PLPP7: variants seen among roughly 807,000 people sequenced by gnomAD.
PLPP7 encodes the protein inactive phospholipid phosphatase 7.
In PLPP7, 11 loss-of-function variants were observed where a neutral mutation model predicts 16.9. That is an observed-to-expected ratio of 0.65 (90% CI 0.41 to 1.08). The LOEUF is 1.08. PLPP7 is among the 50% of genes least tolerant of loss of function. The probability of loss-of-function intolerance (pLI) is 0.00; values close to 1 mark genes in which losing one functional copy is unlikely to be tolerated. For missense variants in PLPP7, 358 were observed against 397.1 expected, an observed-to-expected ratio of 0.90 and a Z score of 0.84; for synonymous variants, 174 against 175.1, an observed-to-expected ratio of 0.99 and a Z score of 0.05.
chr9:131,292,080 G>A (rs886953530), intron 1 of PLPP7, among the ~76,000 whole-genome samples: 8 of 152,206 alleles, frequency 5.3e-5, no homozygotes, highest in Admixed American at 5.2e-4. Context: ...ACAGGCCTCT[G>A]CTCTTCCAGG....
intron 1 of PLPP7, among the ~76,000 whole-genome samples, chr9:131,304,305 G>A (rs979554469): frequency 1.3e-5 from 2 of 152,216 alleles, no homozygotes; most frequent in Admixed American, 6.5e-5. Flanking sequence ...GCAGAGACAC[G>A]ATGGAGATCC....
In PLPP7 at chr9:131,295,462, C is replaced by T. The variant is rs561005369; in HGVS notation, c.451+5014C>T. Among the ~76,000 whole-genome samples, 1 of 152,136 alleles carries T rather than the reference C, an allele frequency of 6.6e-6. No individual in the cohort carries two copies. The highest frequency in any genetic ancestry group is 2.4e-5 in the African/African-American group (1 of 41,444). Reference sequence around the variant, plus strand: ...CCACCACGCCTGGCTATGAAAACTACATTTTTATGTCATTTTTTATTGTGA... The same window carrying T: ...CCACCACGCCTGGCTATGAAAACTATATTTTTATGTCATTTTTTATTGTGA... On this transcript the variant is annotated intron_variant, in intron 1 of 1. Coordinates refer to ENST00000372264, the MANE Select transcript of PLPP7 (RefSeq NM_032728.4). This position sits in a 1 kb window ranked among gnomAD's most constrained non-coding sequence, Gnocchi z 4.0.
intron 1 of PLPP7, among the ~76,000 whole-genome samples, chr9:131,303,059 C>T (rs1039495122): frequency 3.3e-5 from 5 of 152,188 alleles, no homozygotes; most frequent in Non-Finnish European, 5.9e-5. Flanking sequence ...AGGCCGGGCA[C>T]GGTGGCTCAC....
chr9:131,290,379 G>A lies in PLPP7; in HGVS notation c.382G>A (p.Gly128Ser). ...GGGCCACGGCATCCCCTGGATCGGAGGCACCATCCTCTGCCTGGTGAAGAG... is the reference window on the plus strand; with the variant it reads ...GGGCCACGGCATCCCCTGGATCGGAAGCACCATCCTCTGCCTGGTGAAGAG... ...ITGHGIPWIG[G>S]TILCLVKSST... Residue 128 changes from glycine to serine, a missense_variant, in exon 1 of 2, where the codon GGC (glycine) becomes AGC (serine). Gly to Ser is a moderately conservative substitution (Grantham distance 56). Coordinates refer to ENST00000372264, the MANE Select transcript of PLPP7 (RefSeq NM_032728.4). The surrounding 1 kb of genome is among the most constrained non-coding windows in gnomAD (Gnocchi z 4.2). 1.2e-6 allele frequency: 2 copies of A among 1,603,276 alleles called. No individual in the cohort carries two copies. The highest frequency in any genetic ancestry group is 1.1e-5 in the South Asian group (1 of 89,664).
At chr9:131,303,830 G>A (rs938169754) in intron 1 of PLPP7, among the ~76,000 whole-genome samples, 1 of 152,168 alleles carries the variant, frequency 6.6e-6, no homozygotes, top group Non-Finnish European at 1.5e-5. Flanking sequence ...TCACAGGTGA[G>A]GAAAGTTAGG....
Position 131,290,006 on chromosome 9 carries a change from T to C in PLPP7, c.9T>C (p.Ala3=). Residue 3 remains alanine, a synonymous_variant, in exon 1 of 2, where the codon GCT becomes GCC. Coordinates refer to ENST00000372264, the MANE Select transcript of PLPP7 (RefSeq NM_032728.4). The surrounding 1 kb of genome is among the most constrained non-coding windows in gnomAD (Gnocchi z 4.2). ...GGGTGAGCGAGGTCACCATGCCAGC[T>C]TCCCAGAGCCGGGCCCGTGCCCGGG... MP[A]SQSRARARDR... is the part of the protein sequence containing the mutation. 1 of 1,432,970 alleles carries C rather than the reference T, an allele frequency of 7.0e-7. No homozygotes were observed. The allele number at this position is 1,432,970 out of a possible 1,614,324, so 88.8% of individuals were successfully genotyped here. A position where few individuals can be genotyped will look rare whatever the true frequency, so the allele number is the denominator to read the frequency against.
chr9:131,292,337 C>T (rs1457637325), intron 1 of PLPP7, among the ~76,000 whole-genome samples: 1 of 152,210 alleles, frequency 6.6e-6, no homozygotes, highest in Non-Finnish European at 1.5e-5. Flanking sequence ...CACCTTCTTT[C>T]CCCATGTGAC....
chr9:131,302,842 G>A (rs1041170163), intron 1 of PLPP7, among the ~76,000 whole-genome samples: 40 of 152,166 alleles, frequency 2.6e-4, no homozygotes, highest in Admixed American at 2.5e-3. Context: ...GCAGGAAAAG[G>A]GGAAGCCCTG....
chr9:131,309,004 C>T lies in PLPP7; in HGVS notation c.*717C>T, dbSNP rs1272601777. ...TTTCTTGGGGAACAGCTATTAACCC[C>T]CAAGGAATTATTGGTTCCTCAAGTG... On this transcript the variant is annotated 3_prime_UTR_variant, in exon 2 of 2. Transcript: ENST00000372264. 2 of 152,392 alleles carry T rather than the reference C, an allele frequency of 1.3e-5. No homozygotes were observed. The highest frequency in any genetic ancestry group is 2.9e-5 in the Non-Finnish European group (2 of 68,052). The allele number at this position is 152,392 out of a possible 1,614,324, so 9.4% of individuals were successfully genotyped here.
chr9:131,308,541 AC>A lies in PLPP7; in HGVS notation c.*257del. 1.8e-6 allele frequency: 1 copy of A among 565,612 alleles called. No homozygotes were observed. Among genetic ancestry groups the A allele is most frequent in the Non-Finnish European group, 3.1e-6 (1 of 323,748 alleles). 35.0% of individuals were successfully genotyped at this position (565,612 alleles called of 1,614,324 possible). On this transcript the variant is annotated 3_prime_UTR_variant, in exon 2 of 2. Coordinates refer to ENST00000372264, the MANE Select transcript of PLPP7 (RefSeq NM_032728.4). ...TCTCCTCTCTAGGCAGCCAGGACCC[AC>A]CCATGGGGACAGCCCTATTTAGCTT...
At position 131,308,461 on chromosome 9, in the gene PLPP7, G is replaced by C. The variant is rs2131222924; in HGVS notation, c.*174G>C. ...TGGCGAACCCAGGCCACCCCTCCCG[G>C]AGACAAGCGTGTTTGGCAGTGCCAG... On this transcript the variant is annotated 3_prime_UTR_variant, in exon 2 of 2. Coordinates refer to ENST00000372264, the MANE Select transcript of PLPP7 (RefSeq NM_032728.4). The C allele has an allele frequency of 9.1e-7, 1 of 1,097,632 alleles. No homozygotes were observed. Among genetic ancestry groups the C allele is most frequent in the African/African-American group, 1.6e-5 (1 of 62,716 alleles). 68.0% of individuals were successfully genotyped at this position (1,097,632 alleles called of 1,614,324 possible). A position where few individuals can be genotyped will look rare whatever the true frequency, so the allele number is the denominator to read the frequency against.
At chr9:131,294,959 T>C (rs1347348210) in intron 1 of PLPP7, among the ~76,000 whole-genome samples, 2 of 151,636 alleles carry the variant, frequency 1.3e-5, no homozygotes, top group African/African-American at 2.4e-5. Flanking sequence ...AAGTATCTTT[T>C]TTTTTTCCTT....
At chr9:131,303,086 C>A (rs1005144533) in intron 1 of PLPP7, among the ~76,000 whole-genome samples, 1 of 152,178 alleles carries the variant, frequency 6.6e-6, no homozygotes, top group Non-Finnish European at 1.5e-5. Context: ...AATCCCAGCA[C>A]TTTGGGAGGC....
intron 1 of PLPP7, among the ~76,000 whole-genome samples, chr9:131,306,051 C>T (rs1338234020): frequency 6.6e-6 from 1 of 151,188 alleles, no homozygotes; most frequent in Non-Finnish European, 1.5e-5. Flanking sequence ...TCCTGGCTAA[C>T]ACGATGAAAC....
At chr9:131,293,634 C>T (rs73545986) in intron 1 of PLPP7, among the ~76,000 whole-genome samples, 5,037 of 152,296 alleles carry the variant, frequency 0.033, 236 homozygotes, top group African/African-American at 0.1. Flanking sequence ...ACCCTTCAAC[C>T]CTGGAGCACA....
chr9:131,308,276 T>C lies in PLPP7; in HGVS notation c.805T>C (p.Ser269Pro). 1.3e-6 allele frequency: 2 copies of C among 1,590,544 alleles called. No homozygotes were observed. Among genetic ancestry groups the C allele is most frequent in the Non-Finnish European group, 1.7e-6 (2 of 1,175,684 alleles). Residue 269 changes from serine to proline, a missense_variant, in exon 2 of 2, where the codon TCT (serine) becomes CCT (proline). Transcript: ENST00000372264. ...CTCCAGCACCTGCCAGATGCTCATC[T>C]CTGCCTGGTGAAGCGCCCGCCGGCC... ...MPSSTCQMLISAW is the reference protein window; with the variant it reads ...MPSSTCQMLIPAW
In PLPP7 at chr9:131,308,196, C is replaced by T. The variant is rs1211053373; in HGVS notation, c.725C>T (p.Ser242Phe). Reference sequence around the variant, plus strand: ...CGCCACCACGTCACGGACGTCCTCTCCGGCTTTGTCATCGGCTACCTCCAG... The same window carrying T: ...CGCCACCACGTCACGGACGTCCTCTTCGGCTTTGTCATCGGCTACCTCCAG... ...IGRHHVTDVL[S>F]GFVIGYLQFR... Residue 242 changes from serine to phenylalanine, a missense_variant, in exon 2 of 2, where the codon TCC becomes TTC. Coordinates refer to ENST00000372264, the MANE Select transcript of PLPP7 (RefSeq NM_032728.4). 1 of 1,600,038 alleles carries T rather than the reference C, an allele frequency of 6.2e-7. No individual in the cohort carries two copies. Among genetic ancestry groups the T allele is most frequent in the East Asian group, 2.2e-5 (1 of 44,864 alleles).
At chr9:131,303,086 C>T (rs1005144533) in intron 1 of PLPP7, among the ~76,000 whole-genome samples, 4 of 152,178 alleles carry the variant, frequency 2.6e-5, no homozygotes, top group Non-Finnish European at 5.9e-5. Context: ...AATCCCAGCA[C>T]TTTGGGAGGC....
In PLPP7 at chr9:131,291,078, G is replaced by A. The variant is rs759779585; in HGVS notation, c.451+630G>A. The A allele has an allele frequency of 2.2e-5, 30 of 1,366,300 alleles. No individual in the cohort carries two copies. In the South Asian group the frequency reaches 3.3e-4, roughly 15 times the overall value. 84.6% of individuals were successfully genotyped at this position (1,366,300 alleles called of 1,614,324 possible). On this transcript the variant is annotated intron_variant, in intron 1 of 1. Transcript: ENST00000372264. The stretch of plus-strand genomic sequence containing the variant: ...CGGGGGGCCAGTTGTGGGTTTGTTT[G>A]TTTGCAAAGTCTTTGCCACCAATGT...
Sources: gnomAD v4.1 joint callset for allele counts (sites outside exome capture counted in the v4.1 genomes callset) on GRCh38, gnomAD v4.1.1 for gene constraint, Gnocchi (gnomAD v3.1) non-coding constraint, MANE v1.5 for transcripts, NCBI Gene and HGNC (gene_info 2026-07-23, HGNC 2026-07-21) for gene names.